Variants in CSMD3 observed in about 807,000 individuals in gnomAD.
CSMD3 encodes the protein CUB and sushi domain-containing protein 3.
CSMD3 carries 177 observed loss-of-function variants against 435.2 expected under a neutral mutation model. The ratio of observed to expected loss-of-function variants is 0.41; its 90% CI spans 0.36 to 0.46. The LOEUF (loss-of-function observed/expected upper bound fraction) is 0.46. Ranked by LOEUF, CSMD3 falls within the 20% of genes least tolerant of loss-of-function variation. CSMD3 has a pLI of 0.34. For missense variants in CSMD3, 4,265 were observed against 4,504.6 expected, an observed-to-expected ratio of 0.95 and a Z score of 1.52; for synonymous variants, 1,656 against 1,520.5, an observed-to-expected ratio of 1.09 and a Z score of -2.07.
At chr8:112,390,543 A>T in intron 36 of CSMD3, 121 bp downstream of exon 36, 1 of 822,182 alleles carries the variant, frequency 1.2e-6, no homozygotes, top group African/African-American at 1.7e-5. Flanking sequence ...CTTTCTATTC[A>T]TTTCAACCAT....
At chr8:113,432,615 T>G (rs2094681418) in intron 1 of CSMD3, among the ~76,000 whole-genome samples, 1 of 152,172 alleles carries the variant, frequency 6.6e-6, no homozygotes, top group Non-Finnish European at 1.5e-5. Flanking sequence ...GTTGAACGGA[T>G]CTGGGGGACG....
At chr8:112,979,433 G>T (rs1311435883) in intron 6 of CSMD3, among the ~76,000 whole-genome samples, 2 of 151,086 alleles carry the variant, frequency 1.3e-5, no homozygotes, top group Non-Finnish European at 3.0e-5. Context: ...TTTTAAATTG[G>T]CAGTGTATGA....
chr8:112,667,504 A>G (rs567892851), intron 16 of CSMD3, among the ~76,000 whole-genome samples: 2 of 152,216 alleles, frequency 1.3e-5, no homozygotes, highest in South Asian at 4.2e-4. Context: ...CTGCATTTAC[A>G]CTATTCTCCA....
intron 54 of CSMD3, among the ~76,000 whole-genome samples, chr8:112,293,474 A>T (rs752997608): frequency 2.0e-5 from 3 of 152,114 alleles, no homozygotes; most frequent in Non-Finnish European, 4.4e-5. Flanking sequence ...TGTGAAGTAA[A>T]TTAATGTGAC....
intron 5 of CSMD3, among the ~76,000 whole-genome samples, chr8:113,062,012 A>G (rs977707041): frequency 2.0e-5 from 3 of 151,182 alleles, no homozygotes; most frequent in Admixed American, 6.6e-5. Flanking sequence ...CAGTTAAGCA[A>G]TCTTAGTTTG....
intron 13 of CSMD3, among the ~76,000 whole-genome samples, chr8:112,693,222 T>C (rs2076176889): frequency 6.6e-6 from 1 of 152,088 alleles, no homozygotes; most frequent in African/African-American, 2.4e-5. Flanking sequence ...TTTTAGAATG[T>C]GATATATAGT....
At chr8:113,068,356 T>C (rs2131392312) in intron 5 of CSMD3, among the ~76,000 whole-genome samples, 1 of 152,248 alleles carries the variant, frequency 6.6e-6, no homozygotes. Flanking sequence ...GAGATGGACA[T>C]TAATATGCTA....
At chr8:113,228,872 T>C (rs892751741) in intron 3 of CSMD3, among the ~76,000 whole-genome samples, 3 of 151,574 alleles carry the variant, frequency 2.0e-5, no homozygotes, top group African/African-American at 7.3e-5. Flanking sequence ...CTGACGTGTA[T>C]AAGGCCTCAA....
At chr8:112,691,443 C>G (rs1388757692) in intron 13 of CSMD3, among the ~76,000 whole-genome samples, 1 of 151,898 alleles carries the variant, frequency 6.6e-6, no homozygotes, top group African/African-American at 2.4e-5. Context: ...GTTTGGTAGC[C>G]ATCTGAGTAC....
At chr8:112,653,159 AG>A (rs1478376511) in intron 18 of CSMD3, among the ~76,000 whole-genome samples, 1 of 152,224 alleles carries the variant, frequency 6.6e-6, no homozygotes, top group Non-Finnish European at 1.5e-5. Flanking sequence ...CATAATTTTC[AG>A]AAGTTCATGT....
intron 9 of CSMD3, among the ~76,000 whole-genome samples, chr8:112,935,918 T>G (rs529887782): frequency 6.6e-6 from 1 of 152,176 alleles, no homozygotes; most frequent in South Asian, 2.1e-4. Context: ...TGAGAGATGA[T>G]AGTGGCTTGC....
chr8:112,849,116 TC>T (rs1478494003), intron 11 of CSMD3, among the ~76,000 whole-genome samples: 1 of 152,140 alleles, frequency 6.6e-6, no homozygotes, highest in Non-Finnish European at 1.5e-5. Flanking sequence ...AATTAAGACT[TC>T]TACTAAGCTA....
At chr8:113,379,713 TATA>T (rs2094406751) in intron 1 of CSMD3, among the ~76,000 whole-genome samples, 1 of 152,242 alleles carries the variant, frequency 6.6e-6, no homozygotes, top group African/African-American at 2.4e-5. Context: ...AATCTAATAA[TATA>T]ATATCTGTGT....
chr8:113,147,220 A>AT (rs1048878242), intron 4 of CSMD3, among the ~76,000 whole-genome samples: 15 of 151,652 alleles, frequency 9.9e-5, no homozygotes, highest in African/African-American at 2.7e-4. Context: ...GTTGTTAGCT[A>AT]TTTTTTTATT....
intron 1 of CSMD3, among the ~76,000 whole-genome samples, chr8:113,327,112 T>G (rs1473161220): frequency 6.6e-6 from 1 of 152,200 alleles, no homozygotes; most frequent in African/African-American, 2.4e-5. Context: ...TTTTAAAAAC[T>G]AAAGTATTTC....
chr8:112,899,599 T>TTATATATATATA (rs71309794), intron 10 of CSMD3, among the ~76,000 whole-genome samples: 143 of 99,982 alleles, frequency 1.4e-3, no homozygotes, highest in Non-Finnish European at 2.2e-3. Context: ...CTTGTCTATT[T>TTATATATATATA]TATATATATA....
rs371017310 is a variant in CSMD3, at chr8:113,020,085, C to A, written c.918-906G>T. On this transcript the variant is annotated intron_variant, in intron 5 of 70. Transcript: ENST00000297405. ...GGCTGAGGCAGGAGAATGGCGTGAA[C>A]CCGGGAAGCGGAGCTTGCAGTGAGC... is the stretch of plus-strand genomic sequence containing the variant. Among the ~76,000 whole-genome samples the A allele has an allele frequency of 1.4e-4, 21 of 147,082 alleles. No homozygotes were observed. The East Asian group carries it at 3.2e-3, about 23-fold the overall frequency.
chr8:113,068,915 C>T (rs1423993699), intron 5 of CSMD3, among the ~76,000 whole-genome samples: 1 of 151,822 alleles, frequency 6.6e-6, no homozygotes, highest in Non-Finnish European at 1.5e-5. Flanking sequence ...GAGACAAATT[C>T]ATCTGCAAAT....
intron 3 of CSMD3, among the ~76,000 whole-genome samples, chr8:113,218,286 G>C (rs1476208291): frequency 6.6e-6 from 1 of 150,576 alleles, no homozygotes; most frequent in Non-Finnish European, 1.5e-5. Flanking sequence ...AGGAATTAAG[G>C]ACAATAGAAC....
Sources: gnomAD v4.1 joint callset for allele counts (sites outside exome capture counted in the v4.1 genomes callset) on GRCh38, gnomAD v4.1.1 for gene constraint, MANE v1.5 for transcripts, NCBI Gene and HGNC (gene_info 2026-07-23, HGNC 2026-07-21) for gene names.